Variants in ZNF600 observed in about 807,000 individuals in gnomAD.
ZNF600 encodes zinc finger protein KR-ZNF1.
In ZNF600, 4 loss-of-function variants were observed where a neutral mutation model predicts 7.3. The observed-to-expected ratio is 0.55, with a 90% confidence interval of 0.27 to 1.25. The LOEUF is 1.25. Among genes scored for constraint, ZNF600 ranks in the 50% most tolerant of loss-of-function variants. The pLI, the probability that ZNF600 is intolerant of heterozygous loss-of-function variation, is 0.12. For synonymous variants in ZNF600, 290 were observed against 308.9 expected (o/e 0.94, Z 0.64); for missense variants, 911 against 922.1 (o/e 0.99, Z 0.16).
chr19:52,794,492 G>C, the ZNF600 span, among the ~76,000 whole-genome samples: 2 of 152,166 alleles, frequency 1.3e-5, no homozygotes, highest in Non-Finnish European at 2.9e-5. Flanking sequence ...GAGTCAGAAG[G>C]AGGTGTGGCT....
exon 4 of ZNF600, chr19:52,766,873 T>C (rs1487252453): frequency 1.9e-6 from 3 of 1,614,058 alleles, no homozygotes; most frequent in Non-Finnish European, 2.5e-6. Flanking sequence ...CCAGTATGAA[T>C]TCTACGATGA....
intron 3 of ZNF600, among the ~76,000 whole-genome samples, 153 bp from the exon 6 acceptor site, chr19:52,767,925 A>T (rs1420833140): frequency 1.3e-5 from 2 of 152,190 alleles, no homozygotes; most frequent in African/African-American, 4.8e-5. Context: ...AGATTCTTTA[A>T]TAAACAAGGG....
At chr19:52,826,145 G>T in the ZNF600 span, among the ~76,000 whole-genome samples, 1 of 152,146 alleles carries the variant, frequency 6.6e-6, no homozygotes, top group Non-Finnish European at 1.5e-5. Flanking sequence ...CTTTGTCCGG[G>T]AGTGGTTGCT....
chr19:52,772,681 C>G (rs1568628598), intron 3 of ZNF600, among the ~76,000 whole-genome samples: 1 of 152,120 alleles, frequency 6.6e-6, no homozygotes, highest in Non-Finnish European at 1.5e-5. Context: ...AAAGCAGGCC[C>G]GCGGTGTTCA....
chr19:52,806,740 A>G, the ZNF600 span, among the ~76,000 whole-genome samples: 3 of 151,936 alleles, frequency 2.0e-5, no homozygotes, highest in African/African-American at 7.3e-5. Context: ...TGTCTCTACT[A>G]AAAACACAAA....
At chr19:52,783,016 C>G (rs1024260556) in intron 1 of ZNF600, among the ~76,000 whole-genome samples, 1 of 27,288 alleles carries the variant, frequency 3.7e-5, no homozygotes, top group East Asian at 3.2e-4. Context: ...GTAACAGAGA[C>G]TCAGTCACTT....
the ZNF600 span, among the ~76,000 whole-genome samples, chr19:52,804,376 T>C: frequency 2.0e-5 from 3 of 152,104 alleles, no homozygotes; most frequent in Admixed American, 2.0e-4. Context: ...CTACCTCAAG[T>C]GATTCTCCCT....
chr19:52,801,795 T>C, the ZNF600 span: 1 of 1,222,880 alleles, frequency 8.2e-7, no homozygotes. Context: ...CAATACTTAT[T>C]TTAAACTTCC....
chr19:52,808,419 A>T, the ZNF600 span, among the ~76,000 whole-genome samples: 2 of 152,220 alleles, frequency 1.3e-5, no homozygotes, highest in Non-Finnish European at 2.9e-5. Flanking sequence ...ACACCAAGTG[A>T]CATTCATTAT....
At chr19:52,808,445 C>T in the ZNF600 span, among the ~76,000 whole-genome samples, 1 of 152,066 alleles carries the variant, frequency 6.6e-6, no homozygotes, top group African/African-American at 2.4e-5. Context: ...TGAGAGAGAG[C>T]ATGACTGATG....
intron 1 of ZNF600, among the ~76,000 whole-genome samples, chr19:52,779,469 G>C (rs1387105976): frequency 6.6e-6 from 1 of 152,200 alleles, no homozygotes; most frequent in African/African-American, 2.4e-5. Flanking sequence ...CCACGTTCTG[G>C]CTCTGCCCTC....
chr19:52,815,812 G>A, the ZNF600 span, among the ~76,000 whole-genome samples: 13 of 145,776 alleles, frequency 8.9e-5, 2 homozygotes, highest in East Asian at 4.0e-4. Context: ...GCGACAGAGC[G>A]AGGCTCCATC....
the ZNF600 span, chr19:52,809,878 C>T: frequency 3.9e-5 from 28 of 725,974 alleles, no homozygotes; most frequent in Admixed American, 1.4e-4. Flanking sequence ...GCGGGCGGTC[C>T]GGGATCCAGG....
At chr19:52,829,541 A>T in the ZNF600 span, among the ~76,000 whole-genome samples, 1 of 151,634 alleles carries the variant, frequency 6.6e-6, no homozygotes, top group Non-Finnish European at 1.5e-5. Context: ...CACTCAGCTA[A>T]TTTTGTATTT....
intron 3 of ZNF600, among the ~76,000 whole-genome samples, chr19:52,768,907 TATA>T (rs748165820): frequency 6.6e-6 from 1 of 152,168 alleles, no homozygotes; most frequent in Non-Finnish European, 1.5e-5. Context: ...ATTCCAATAT[TATA>T]ATAATCCTCG....
chr19:52,809,586 T>C, the ZNF600 span, among the ~76,000 whole-genome samples: 1 of 151,994 alleles, frequency 6.6e-6, no homozygotes, highest in Non-Finnish European at 1.5e-5. Flanking sequence ...GGCGGGTGAA[T>C]AACCAGGTCA....
At chr19:52,804,290 C>A in the ZNF600 span, among the ~76,000 whole-genome samples, 15 of 152,106 alleles carry the variant, frequency 9.9e-5, no homozygotes, top group Non-Finnish European at 1.9e-4. Flanking sequence ...CCAGTTTAAG[C>A]AATTTCCTTT....
chr19:52,779,515 T>C (rs1421657471), intron 1 of ZNF600, among the ~76,000 whole-genome samples: 3 of 151,772 alleles, frequency 2.0e-5, no homozygotes, highest in Non-Finnish European at 2.9e-5. Context: ...ATCCAGAGAG[T>C]GGATGACAAA....
exon 4 of ZNF600, chr19:52,766,505 A>C (rs757579754): frequency 1.9e-6 from 3 of 1,613,986 alleles, no homozygotes; most frequent in African/African-American, 2.7e-5. Flanking sequence ...TCCCACATTC[A>C]TTACACTTGT....
Sources: allele counts gnomAD v4.1 joint callset (sites outside exome capture counted in the v4.1 genomes callset), GRCh38; gene constraint gnomAD v4.1.1; transcripts MANE v1.5; gene names NCBI Gene and HGNC (gene_info 2026-07-23, HGNC 2026-07-21).